The following PCDH11X variants were observed in gnomAD, a reference collection of about 807,000 sequenced individuals.
PCDH11X encodes the protein protocadherin-11 X-linked.
Under a neutral mutation model 53.3 loss-of-function variants are expected in PCDH11X, and 18 were observed. The observed-to-expected ratio is 0.34, with a 90% CI of 0.23 to 0.50. The LOEUF (loss-of-function observed/expected upper bound fraction) is 0.50, where lower values mean the gene tolerates loss of function less well. Among genes scored for constraint, PCDH11X ranks in the 20% least tolerant of loss-of-function variants. The pLI is 0.98. For missense variants in PCDH11X, 570 were observed against 1,032.4 expected (o/e 0.55, Z 6.14); for synonymous variants, 279 against 393.3 (o/e 0.71, Z 3.44).
chrX:92,206,713 G>C (rs1176638248), intron 7 of PCDH11X, among the ~76,000 whole-genome samples: 2 of 109,998 alleles, frequency 1.8e-5, no homozygotes, highest in Non-Finnish European at 3.8e-5. Context: ...TTATAGTAGA[G>C]ACAGTGTTTT....
chrX:92,368,371 C>T (rs188706840), intron 8 of PCDH11X, among the ~76,000 whole-genome samples: 1 of 111,455 alleles, frequency 9.0e-6, no homozygotes, highest in Non-Finnish European at 1.9e-5. Context: ...TCTCTAAACT[C>T]GTTACTCTAG....
At chrX:92,401,468 C>A (rs900238117) in intron 9 of PCDH11X, among the ~76,000 whole-genome samples, 7 of 110,804 alleles carry the variant, frequency 6.3e-5, no homozygotes, top group African/African-American at 2.3e-4. Context: ...TGTTTCATTG[C>A]AAATTTTAAG....
chrX:91,812,895 A>G (rs1239039948), intron 4 of PCDH11X, among the ~76,000 whole-genome samples: 15 of 111,910 alleles, frequency 1.3e-4, no homozygotes, highest in African/African-American at 4.9e-4. Context: ...GAACAACTTA[A>G]ATTTACAAAC....
chrX:92,160,847 A>T (rs1217104771), intron 6 of PCDH11X, among the ~76,000 whole-genome samples: 1 of 109,217 alleles, frequency 9.2e-6, no homozygotes. Context: ...TTATTTTTTG[A>T]TTTTTTAATT....
At chrX:91,817,124 A>C (rs765528368) in intron 4 of PCDH11X, among the ~76,000 whole-genome samples, 3 of 111,271 alleles carry the variant, frequency 2.7e-5, no homozygotes, top group African/African-American at 9.8e-5. Context: ...CAGTACATTT[A>C]TTTATATAGC....
chrX:92,303,346 G>A (rs1199372004), intron 8 of PCDH11X, among the ~76,000 whole-genome samples: 3 of 110,380 alleles, frequency 2.7e-5, no homozygotes, highest in Non-Finnish European at 3.8e-5. Context: ...TAAGATAACA[G>A]CATTGCAGAA....
At chrX:91,947,226 C>A (rs984956938) in intron 6 of PCDH11X, among the ~76,000 whole-genome samples, 20 of 109,346 alleles carry the variant, frequency 1.8e-4, no homozygotes, top group Non-Finnish European at 3.6e-4. Context: ...TCTAAAAAAT[C>A]TTGATATTAG....
chrX:92,310,644 C>T (rs778761786), intron 8 of PCDH11X, among the ~76,000 whole-genome samples: 2 of 110,199 alleles, frequency 1.8e-5, no homozygotes, highest in Middle Eastern at 4.7e-3. Flanking sequence ...AAGCCTTGAC[C>T]TCCCAAAGTG....
intron 6 of PCDH11X, among the ~76,000 whole-genome samples, chrX:91,915,647 G>A (rs1017876143): frequency 1.8e-5 from 2 of 110,783 alleles, no homozygotes; most frequent in South Asian, 3.9e-4. Context: ...TACCACAATC[G>A]TATATACGCA....
At chrX:92,329,286 C>A (rs2069408058) in intron 8 of PCDH11X, among the ~76,000 whole-genome samples, 1 of 111,069 alleles carries the variant, frequency 9.0e-6, no homozygotes, top group Non-Finnish European at 1.9e-5. Flanking sequence ...AGAAGCGTTG[C>A]AACATAATAA....
intron 6 of PCDH11X, among the ~76,000 whole-genome samples, chrX:91,949,006 G>A (rs767977567): frequency 5.4e-5 from 6 of 110,473 alleles, no homozygotes; most frequent in African/African-American, 2.0e-4. Context: ...ATCAGGTCTC[G>A]TCGAGCAGAG....
chrX:92,289,458 G>A (rs1174791199), intron 8 of PCDH11X, among the ~76,000 whole-genome samples: 3 of 111,766 alleles, frequency 2.7e-5, no homozygotes, highest in African/African-American at 6.5e-5. Context: ...TGATTTAAAT[G>A]ACAACTCCAT....
chrX:91,955,229 C>T (rs1201240016), intron 6 of PCDH11X, among the ~76,000 whole-genome samples: 1 of 110,153 alleles, frequency 9.1e-6, no homozygotes, highest in Non-Finnish European at 1.9e-5. Flanking sequence ...CCATTGCTGG[C>T]TTTTGTCGAT....
chrX:92,372,234 A>AT (rs1820424720), intron 8 of PCDH11X, among the ~76,000 whole-genome samples: 1 of 110,939 alleles, frequency 9.0e-6, no homozygotes, highest in Non-Finnish European at 1.9e-5. Flanking sequence ...GGAATATGCT[A>AT]TTTTTTGTGA....
At chrX:91,893,368 G>A (rs1295067497) in intron 6 of PCDH11X, among the ~76,000 whole-genome samples, 3 of 97,832 alleles carry the variant, frequency 3.1e-5, no homozygotes, top group African/African-American at 1.1e-4. Flanking sequence ...TTTTTTTTGA[G>A]ATGGAGTCTC....
At chrX:92,597,541 A>G (rs1403463438) in intron 10 of PCDH11X, among the ~76,000 whole-genome samples, 4 of 111,952 alleles carry the variant, frequency 3.6e-5, no homozygotes, top group Non-Finnish European at 7.5e-5. Flanking sequence ...ACACCAAAAA[A>G]GGTAAAATAT....
intron 8 of PCDH11X, among the ~76,000 whole-genome samples, chrX:92,332,483 G>T (rs2069515154): frequency 9.0e-6 from 1 of 111,167 alleles, no homozygotes; most frequent in African/African-American, 3.3e-5. Flanking sequence ...TTTTTAATTT[G>T]AGCTCCTATG....
chrX:92,125,570 G>A lies in PCDH11X; in HGVS notation c.3034-75805G>A, dbSNP rs186503403. On this transcript the variant is annotated intron_variant, in intron 6 of 10. Transcript: ENST00000682573. ...TGAACTAAATTATTTTTGACCTCAT[G>A]ATAAATGTTTGCCCTTTTAAGGATG... Among the ~76,000 whole-genome samples the A allele has an allele frequency of 3.6e-5, 4 of 111,256 alleles. No homozygotes were observed. In the East Asian group the frequency reaches 1.1e-3, roughly 31 times the overall value.
At chrX:92,167,109 AAT>A (rs2065748019) in intron 6 of PCDH11X, among the ~76,000 whole-genome samples, 1 of 109,770 alleles carries the variant, frequency 9.1e-6, no homozygotes, top group Non-Finnish European at 1.9e-5. Flanking sequence ...TATATTCTAT[AAT>A]TTTACTTGCT....
Sources: gnomAD v4.1 joint callset for allele counts (sites outside exome capture counted in the v4.1 genomes callset) on GRCh38, gnomAD v4.1.1 for gene constraint, MANE v1.5 for transcripts, NCBI Gene and HGNC (gene_info 2026-07-23, HGNC 2026-07-21) for gene names.